Variants in DENND2B observed in about 807,000 individuals in gnomAD.
DENND2B encodes DENN domain-containing protein 2B.
A neutral mutation model predicts 116.0 loss-of-function variants in DENND2B; 32 were observed. The ratio of observed to expected loss-of-function variants is 0.28; its 90% CI spans 0.21 to 0.37. DENND2B has a LOEUF of 0.37. DENND2B is among the 10% of genes least tolerant of loss of function. The probability of loss-of-function intolerance (pLI) is 1.00; values close to 1 mark genes in which losing one functional copy is unlikely to be tolerated. For synonymous variants in DENND2B, 588 were observed against 583.9 expected (o/e 1.01, Z -0.10); for missense variants, 1,276 against 1,477.7 (o/e 0.86, Z 2.24).
rs181454610 is a variant in DENND2B at position 8,889,660 on chromosome 11, G to A, written c.-255-8551C>T. Among the ~76,000 whole-genome samples, 33 of 152,342 alleles carry A rather than the reference G, an allele frequency of 2.2e-4. No individual in the cohort carries two copies. In the East Asian group the frequency reaches 5.8e-3, roughly 27 times the overall value. On this transcript the variant is annotated intron_variant, in intron 1 of 22. Coordinates refer to the DENND2B transcript ENST00000534127. ...TGGCTCATTGCTAGCACAGCAGTCTGAGATCAAACTGCAAGGTGGCAGCGA... is the reference window on the plus strand; with the variant it reads ...TGGCTCATTGCTAGCACAGCAGTCTAAGATCAAACTGCAAGGTGGCAGCGA...
At chr11:8,700,960 T>C (rs1230708192) in intron 14 of DENND2B, among the ~76,000 whole-genome samples, 1 of 152,146 alleles carries the variant, frequency 6.6e-6, no homozygotes, top group Non-Finnish European at 1.5e-5. Flanking sequence ...TAGCTGGGAC[T>C]ACAGGCCCAG....
intron 8 of DENND2B, among the ~76,000 whole-genome samples, chr11:8,713,310 C>T (rs888366049): frequency 6.6e-6 from 1 of 152,122 alleles, no homozygotes; most frequent in Non-Finnish European, 1.5e-5. Context: ...AAACAGTTTC[C>T]TCAGTCTACG....
rs1032636472 is a variant in DENND2B at position 8,730,500 on chromosome 11, C to T, written c.790G>A (p.Glu264Lys). 1.2e-6 allele frequency: 2 copies of T among 1,612,522 alleles called. No individual in the cohort carries two copies. Among genetic ancestry groups the T allele is most frequent in the Non-Finnish European group, 1.7e-6 (2 of 1,180,024 alleles). ...YRLEKRLGRS[E>K]PSAFLRGHGS... ...TGCCCCCTGAGGAAGGCGCTGGGCT[C>T]ACTCCGGCCCAGCCGTTTCTCCAGC... Residue 264 changes from glutamate (E) to lysine (K), a missense_variant, in exon 3 of 20, where the codon GAG (glutamate) becomes AAG (lysine). Physicochemically the swap from Glu to Lys is moderately conservative, Grantham distance 56 (BLOSUM62 1). This residue lies in a region of DENND2B where 856 missense variants were observed against 846.6 expected (regional missense o/e 1.01). Transcript: ENST00000313726. The surrounding 1 kb of genome is among the most constrained non-coding windows in gnomAD (Gnocchi z 4.1).
intron 7 of DENND2B, among the ~76,000 whole-genome samples, 192 bp downstream of exon 7, chr11:8,714,418 C>G (rs1196506477): frequency 6.6e-6 from 1 of 152,218 alleles, no homozygotes; most frequent in Non-Finnish European, 1.5e-5. Context: ...CCCACACCCA[C>G]CTCCCTGCTC....
rs1207471429 is a variant in DENND2B, at chr11:8,715,081, C to T, written c.1846-375G>A. The stretch of plus-strand genomic sequence containing the variant: ...AACAGGAACAAGGATTCTAGCCTTT[C>T]CCCTCTGGGCCATAACCTGGGGCCC... On this transcript the variant is annotated intron_variant, in intron 6 of 19. Coordinates refer to ENST00000313726, the MANE Select transcript of DENND2B (RefSeq NM_213618.2). 2.6e-5 allele frequency among the ~76,000 whole-genome samples: 4 copies of T among 152,364 alleles called. No individual in the cohort carries two copies. In the East Asian group the frequency reaches 5.8e-4, roughly 22 times the overall value.
At chr11:8,762,543 G>T (rs2054861245) in intron 1 of DENND2B, among the ~76,000 whole-genome samples, 1 of 152,212 alleles carries the variant, frequency 6.6e-6, no homozygotes, top group South Asian at 2.1e-4. Context: ...TTCAGCCCAA[G>T]AACTCAACTA....
intron 4 of DENND2B, among the ~76,000 whole-genome samples, chr11:8,820,647 AAAC>A (rs1316428899): frequency 1.3e-5 from 2 of 152,286 alleles, no homozygotes; most frequent in African/African-American, 4.8e-5. Flanking sequence ...AGGTTTCTCA[AAAC>A]AACACTATCT....
upstream of DENND2B, chr11:8,810,966 A>C (rs2134502832): frequency 4.1e-6 from 1 of 243,112 alleles, no homozygotes; most frequent in Non-Finnish European, 7.8e-6. Flanking sequence ...AACTTGCTTG[A>C]ACAGCTCAGA....
At chr11:8,781,379 G>C (rs758769094) in intron 1 of DENND2B, among the ~76,000 whole-genome samples, 1 of 152,084 alleles carries the variant, frequency 6.6e-6, no homozygotes, top group Non-Finnish European at 1.5e-5. Flanking sequence ...TCATTGGAGA[G>C]GGTCACAAGG....
chr11:8,695,034 C>T (rs2040112171), intron 19 of DENND2B, among the ~76,000 whole-genome samples: 1 of 151,736 alleles, frequency 6.6e-6, no homozygotes, highest in Non-Finnish European at 1.5e-5. Context: ...TGCACTCCAG[C>T]CTGAGTGACA....
rs199945684 is a variant in DENND2B at position 8,715,738 on chromosome 11, G to C, written c.1710C>G (p.Pro570=). Residue 570 remains proline (P), a synonymous_variant, in exon 6 of 20, where the codon CCC becomes CCG. Transcript: ENST00000313726. ...ERKSHRLPRL[P]KRHSHDDMLL... ...GCATGTCGTCATGGCTGTGCCTCTTGGGTAATCGTGGCAGCCGGTGGCTCT... is the reference window on the plus strand; with the variant it reads ...GCATGTCGTCATGGCTGTGCCTCTTCGGTAATCGTGGCAGCCGGTGGCTCT... 6.8e-6 allele frequency: 11 copies of C among 1,614,060 alleles called. No homozygotes were observed. Among genetic ancestry groups the C allele is most frequent in the Non-Finnish European group, 9.3e-6 (11 of 1,179,998 alleles).
intron 11 of DENND2B, 200 bp from the exon 12 acceptor site, chr11:8,708,054 G>C: frequency 6.7e-7 from 1 of 1,498,408 alleles, no homozygotes; most frequent in Non-Finnish European, 8.9e-7. Context: ...CAGCTCTGCA[G>C]GGTCTCCCAG....
chr11:8,694,777 C>T, intron 19 of DENND2B: 1 of 342,044 alleles, frequency 2.9e-6, no homozygotes, highest in Non-Finnish European at 5.7e-6. Context: ...TATCTATTTA[C>T]AGCTGGGCAT....
At chr11:8,854,140 T>G (rs992649110) in intron 3 of DENND2B, among the ~76,000 whole-genome samples, 2 of 149,010 alleles carry the variant, frequency 1.3e-5, no homozygotes, top group Non-Finnish European at 3.0e-5. Context: ...GTGCTGGGAT[T>G]ACAGGTGTGA....
intron 4 of DENND2B, chr11:8,831,630 G>C (rs2251536): frequency 0.44 from 67,207 of 151,960 alleles, 15,786 homozygotes; most frequent in East Asian, 0.59. Context: ...GGGAGGCTGA[G>C]GCAAGAGGAC....
At position 8,701,357 on chromosome 11, in the gene DENND2B, GGGA is replaced by G. The variant is rs1310671732; in HGVS notation, c.2720+1212_2720+1214del. Among the ~76,000 whole-genome samples the G allele has an allele frequency of 4.8e-3, 115 of 23,730 alleles. 5 individuals are homozygous for G. Among genetic ancestry groups the G allele is most frequent in the African/African-American group, 0.018 (97 of 5,352 alleles). 15.6% of individuals were successfully genotyped at this position (23,730 alleles called of 152,430 possible). A position where few individuals can be genotyped will look rare whatever the true frequency, so the allele number is the denominator to read the frequency against. ...AAGGCCAGCTTCCGGGGGGGGGGGGGGGAGGGGCTACATGAATGACATGCCTGG... is the reference window on the plus strand; with the variant it reads ...AAGGCCAGCTTCCGGGGGGGGGGGGGGGGGCTACATGAATGACATGCCTGG... On this transcript the variant is annotated intron_variant, in intron 14 of 19. Coordinates refer to ENST00000313726, the MANE Select transcript of DENND2B (RefSeq NM_213618.2).
intron 13 of DENND2B, among the ~76,000 whole-genome samples, chr11:8,705,935 C>T (rs1478650677): frequency 6.6e-6 from 1 of 152,240 alleles, no homozygotes; most frequent in Non-Finnish European, 1.5e-5. Context: ...TACATGGCAG[C>T]CACAGTGGGC....
At chr11:8,827,393 T>C (rs2062019079) in intron 4 of DENND2B, among the ~76,000 whole-genome samples, 1 of 152,168 alleles carries the variant, frequency 6.6e-6, no homozygotes, top group Admixed American at 6.5e-5. Context: ...CCCGAGCAGA[T>C]AAAGGAAGTC....
chr11:8,718,716 T>C, intron 4 of DENND2B: 1 of 1,137,098 alleles, frequency 8.8e-7, no homozygotes, highest in Non-Finnish European at 1.1e-6. Context: ...TTCTCAGGAC[T>C]AGTTCTAAAA....
Sources: allele counts gnomAD v4.1 joint callset (sites outside exome capture counted in the v4.1 genomes callset), GRCh38; gene constraint gnomAD v4.1.1; regional missense constraint gnomAD v4.1.1; non-coding constraint Gnocchi (gnomAD v3.1); transcripts MANE v1.5; gene names NCBI Gene and HGNC (gene_info 2026-07-23, HGNC 2026-07-21).